The following NALCN variants were observed in gnomAD, a reference collection of about 807,000 sequenced individuals.
The protein encoded by NALCN is sodium leak channel, non-selective.
Under a neutral mutation model 225.3 loss-of-function variants are expected in NALCN, and 111 were observed. The observed-to-expected ratio is 0.49, with a 90% confidence interval of 0.42 to 0.58. The LOEUF is 0.58. NALCN is among the 20% of genes least tolerant of loss of function. The probability of loss-of-function intolerance (pLI) is 0.00; values close to 1 mark genes in which losing one functional copy is unlikely to be tolerated. For synonymous variants in NALCN, 764 were observed against 769.0 expected (o/e 0.99, Z 0.11); for missense variants, 1,378 against 2,202.4 (o/e 0.63, Z 7.49).
chr13:101,210,593 T>G (rs1363006365), intron 13 of NALCN, among the ~76,000 whole-genome samples: 1 of 152,170 alleles, frequency 6.6e-6, no homozygotes, highest in Non-Finnish European at 1.5e-5. Context: ...TAAACTGGAA[T>G]TGGGGACTAT....
At chr13:101,230,461 A>C (rs1463353734) in intron 12 of NALCN, among the ~76,000 whole-genome samples, 1 of 152,206 alleles carries the variant, frequency 6.6e-6, no homozygotes, top group Non-Finnish European at 1.5e-5. Flanking sequence ...TAGCCTACAC[A>C]TTCCAGTCTC....
chr13:101,270,139 G>A (rs1015542281), intron 10 of NALCN, among the ~76,000 whole-genome samples: 2 of 152,068 alleles, frequency 1.3e-5, no homozygotes, highest in Admixed American at 6.6e-5. Context: ...CTAGTACTCC[G>A]CCAACCACAT....
At chr13:101,411,989 T>A (rs1016063908) in intron 1 of NALCN, among the ~76,000 whole-genome samples, 3 of 152,222 alleles carry the variant, frequency 2.0e-5, no homozygotes, top group Non-Finnish European at 4.4e-5. Context: ...AAGTATAACA[T>A]TAATCTAAAT....
chr13:101,238,089 A>G (rs1365472299), intron 11 of NALCN, among the ~76,000 whole-genome samples, 167 bp from the exon 12 acceptor site: 3 of 151,988 alleles, frequency 2.0e-5, no homozygotes, highest in African/African-American at 7.2e-5. Context: ...AAACATACCA[A>G]CTAGAACACA....
intron 15 of NALCN, among the ~76,000 whole-genome samples, chr13:101,169,094 A>T (rs1277233113): frequency 6.6e-6 from 1 of 152,114 alleles, no homozygotes; most frequent in Non-Finnish European, 1.5e-5. Flanking sequence ...CACTGAACCC[A>T]AACTGCCTGT....
chr13:101,254,608 G>GTTAAAAAC (rs1157086744), intron 11 of NALCN, among the ~76,000 whole-genome samples: 2 of 133,368 alleles, frequency 1.5e-5, no homozygotes, highest in African/African-American at 5.1e-5. Flanking sequence ...TGAATGACAT[G>GTTAAAAAC]TGGCCGGGCG....
At chr13:101,212,433 G>A (rs2040559666) in intron 13 of NALCN, among the ~76,000 whole-genome samples, 1 of 152,096 alleles carries the variant, frequency 6.6e-6, no homozygotes, top group Non-Finnish European at 1.5e-5. Context: ...TCTTTCTTAT[G>A]TGTTCTACTA....
chr13:101,100,441 C>G (rs965761731), intron 27 of NALCN, among the ~76,000 whole-genome samples: 6 of 152,098 alleles, frequency 3.9e-5, no homozygotes, highest in African/African-American at 1.4e-4. Context: ...CCTTTCTAGC[C>G]AGAAGAGACA....
intron 17 of NALCN, among the ~76,000 whole-genome samples, chr13:101,139,548 T>C (rs1400625332): frequency 6.6e-6 from 1 of 152,102 alleles, no homozygotes; most frequent in Non-Finnish European, 1.5e-5. Context: ...TTTTCTTTCA[T>C]ACCAGTCACT....
intron 30 of NALCN, among the ~76,000 whole-genome samples, chr13:101,087,063 C>A (rs1379215917): frequency 1.3e-5 from 2 of 151,834 alleles, no homozygotes; most frequent in Non-Finnish European, 2.9e-5. Flanking sequence ...ATATAAAAAC[C>A]TCTGAAAGTT....
chr13:101,104,416 T>A lies in NALCN; in HGVS notation c.2768A>T (p.Tyr923Phe). 1 of 1,613,284 alleles carries A rather than the reference T, an allele frequency of 6.2e-7. No homozygotes were observed. The highest frequency in any genetic ancestry group is 1.1e-5 in the South Asian group (1 of 90,972). Reference sequence around the variant, plus strand: ...AATGCTCATGAATATCACAAACACATACTCAGCAATCTGAAACGGGCAAAA... The same window carrying A: ...AATGCTCATGAATATCACAAACACAAACTCAGCAATCTGAAACGGGCAAAA... ...MHAPTLQIAE[Y>F]VFVIFMSIEL... Residue 923 changes from tyrosine to phenylalanine, a missense_variant, in exon 25 of 44, where the codon TAT becomes TTT. This residue lies in a region of NALCN where 292 missense variants were observed against 409.5 expected (regional missense o/e 0.71). Transcript: ENST00000251127. The surrounding 1 kb of genome is among the most constrained non-coding windows in gnomAD (Gnocchi z 4.2).
intron 7 of NALCN, among the ~76,000 whole-genome samples, chr13:101,328,341 T>A (rs1362125573): frequency 6.6e-6 from 1 of 152,146 alleles, no homozygotes; most frequent in Non-Finnish European, 1.5e-5. Flanking sequence ...AGACAGTATC[T>A]CGTTCTACAG....
In NALCN at chr13:101,073,770, T is replaced by G. The variant is rs2033065309; in HGVS notation, c.4104-93A>C. ...TGCCAACACCAAAACAAGTGGAGGT[T>G]GTAGCAAATTTGGTTGCTAAGTCAC... On this transcript the variant is annotated intron_variant, in intron 36 of 43. Transcript: ENST00000251127. 7 of 1,073,292 alleles carry G rather than the reference T, an allele frequency of 6.5e-6. No homozygotes were observed. The East Asian group carries it at 1.8e-4, about 28-fold the overall frequency. 66.5% of individuals were successfully genotyped at this position (1,073,292 alleles called of 1,614,324 possible).
At chr13:101,125,857 T>G (rs1337112266) in intron 17 of NALCN, among the ~76,000 whole-genome samples, 4 of 152,194 alleles carry the variant, frequency 2.6e-5, no homozygotes, top group Non-Finnish European at 4.4e-5. Context: ...TGGTACAAAC[T>G]ACCTGTATAA....
chr13:101,355,443 A>T (rs1350676125), intron 6 of NALCN, among the ~76,000 whole-genome samples: 3 of 152,334 alleles, frequency 2.0e-5, no homozygotes, highest in Admixed American at 1.3e-4. Flanking sequence ...AGATAAAAAA[A>T]GACAAAGAAT....
At chr13:101,257,764 TA>T (rs944823606) in intron 11 of NALCN, among the ~76,000 whole-genome samples, 7 of 152,042 alleles carry the variant, frequency 4.6e-5, no homozygotes, top group African/African-American at 1.7e-4. Flanking sequence ...GTTTTTACAT[TA>T]AAAAAACAAA....
chr13:101,233,926 C>T (rs2041453516), intron 12 of NALCN, among the ~76,000 whole-genome samples: 1 of 152,146 alleles, frequency 6.6e-6, no homozygotes, highest in African/African-American at 2.4e-5. Context: ...GCCACGCTGG[C>T]CTTTGTGCTA....
chr13:101,259,631 G>A (rs576879784), intron 10 of NALCN, among the ~76,000 whole-genome samples: 2 of 150,952 alleles, frequency 1.3e-5, no homozygotes, highest in South Asian at 4.2e-4. Context: ...ACCATGCCTG[G>A]CCATAATGAG....
In NALCN at chr13:101,120,043, A is replaced by G. The variant is rs530787725; in HGVS notation, c.2192+4565T>C. ...ATGAATTAAAGATGATTATACATAGAAATGGGTGATTCTACCTGTGAGTTA... is the reference window on the plus strand; with the variant it reads ...ATGAATTAAAGATGATTATACATAGGAATGGGTGATTCTACCTGTGAGTTA... On this transcript the variant is annotated intron_variant, in intron 18 of 43. Transcript: ENST00000251127. 3.3e-5 allele frequency among the ~76,000 whole-genome samples: 5 copies of G among 152,340 alleles called. No homozygotes were observed. The East Asian group carries it at 5.8e-4, about 18-fold the overall frequency.
Sources: allele counts gnomAD v4.1 joint callset (sites outside exome capture counted in the v4.1 genomes callset), GRCh38; gene constraint gnomAD v4.1.1; regional missense constraint gnomAD v4.1.1; non-coding constraint Gnocchi (gnomAD v3.1); transcripts MANE v1.5; gene names NCBI Gene and HGNC (gene_info 2026-07-23, HGNC 2026-07-21).